The following ZNF578 variants were observed in gnomAD, a reference collection of about 807,000 sequenced individuals.
The protein encoded by ZNF578 is zinc finger protein 578.
Under a neutral mutation model 8.3 loss-of-function variants are expected in ZNF578, and 8 were observed. The observed-to-expected ratio is 0.96, with a 90% CI of 0.56 to 1.74. ZNF578 has a LOEUF of 1.74. Among genes scored for constraint, ZNF578 ranks in the 40% most tolerant of loss-of-function variants. ZNF578 has a pLI of 0.00. For synonymous variants in ZNF578, 206 were observed against 232.2 expected (o/e 0.89, Z 1.03); for missense variants, 726 against 707.5 (o/e 1.03, Z -0.30).
rs1300816713 is a variant in ZNF578 at position 52,510,819 on chromosome 19, TGC to T, written c.439_440del (p.Ala147TrpfsTer6). The T allele has an allele frequency of 6.2e-7, 1 of 1,614,204 alleles. No individual in the cohort carries two copies. Among genetic ancestry groups the T allele is most frequent in the South Asian group, 1.1e-5 (1 of 91,086 alleles). ...GCACAGACCGACATGATCAAAGGCA[TGC>T]TGGAAACAAGCCTATTAAAGATCAG... ...GSTDRHDQRH[A>X]GNKPIKDQLG... On this transcript the variant is annotated frameshift_variant, in exon 6 of 6. Transcript: ENST00000421239. LOFTEE classifies it low-confidence loss of function (END_TRUNC).
At chr19:52,477,381 T>A (rs2059311394) in intron 2 of ZNF578, among the ~76,000 whole-genome samples, 1 of 152,100 alleles carries the variant, frequency 6.6e-6, no homozygotes, top group African/African-American at 2.4e-5. Flanking sequence ...CAGGCCCCCT[T>A]CTCATTTCCT....
intron 2 of ZNF578, among the ~76,000 whole-genome samples, chr19:52,467,878 A>G (rs1241727931): frequency 6.6e-6 from 1 of 152,230 alleles, no homozygotes; most frequent in Admixed American, 6.5e-5. Flanking sequence ...AAAAAAAATA[A>G]AAAGGTTGGA....
Position 52,515,846 on chromosome 19 carries a change from A to G in ZNF578, c.*3692A>G, listed in dbSNP as rs1401439280. On this transcript the variant is annotated 3_prime_UTR_variant, in exon 6 of 6. Transcript: ENST00000421239. ...AAGAAATAGAGGTAGACTCAGACAC[A>G]GAGACCATCTTCAAGGCCTTTCTCT... is the stretch of plus-strand genomic sequence containing the variant. 6.6e-6 allele frequency among the ~76,000 whole-genome samples: 1 copy of G among 152,154 alleles called. No homozygotes were observed. The highest frequency in any genetic ancestry group is 2.4e-5 in the African/African-American group (1 of 41,442).
At chr19:52,485,100 A>T (rs2059340371) in intron 2 of ZNF578, among the ~76,000 whole-genome samples, 1 of 151,908 alleles carries the variant, frequency 6.6e-6, no homozygotes, top group African/African-American at 2.4e-5. Flanking sequence ...TCCTAGCTTG[A>T]CTTTTCCCTT....
At position 52,511,095 on chromosome 19, in the gene ZNF578, A is replaced by T; in HGVS notation, c.714A>T (p.Glu238Asp). The change falls in exon 6 of 6, where the codon GAA becomes GAT. Residue 238 changes from glutamate to aspartate, a missense_variant. Coordinates refer to ENST00000421239, the MANE Select transcript of ZNF578 (RefSeq NM_001099694.2). ...CTTTCCAATGTAATGAGACTGGCGA[A>T]GCCTTTAATTGTAGCTCATTTGTAA... ...EKSFQCNETG[E>D]AFNCSSFVRK... 6.2e-7 allele frequency: 1 copy of T among 1,614,146 alleles called. No individual in the cohort carries two copies. Among genetic ancestry groups the T allele is most frequent in the Admixed American group, 1.7e-5 (1 of 60,020 alleles).
intron 2 of ZNF578, among the ~76,000 whole-genome samples, chr19:52,465,779 C>T (rs889202975): frequency 2.0e-5 from 3 of 152,324 alleles, no homozygotes; most frequent in East Asian, 1.9e-4. Context: ...CCATTTGTGT[C>T]CCTGGCTTTC....
chr19:52,489,903 G>A (rs773329967), intron 2 of ZNF578, among the ~76,000 whole-genome samples: 32 of 151,984 alleles, frequency 2.1e-4, no homozygotes, highest in Admixed American at 1.3e-3. Context: ...TGATCTGCCC[G>A]CCTCGGCCTC....
chr19:52,476,012 A>T (rs2059307269), intron 2 of ZNF578, among the ~76,000 whole-genome samples: 1 of 152,162 alleles, frequency 6.6e-6, no homozygotes, highest in Admixed American at 6.5e-5. Context: ...CTTGAGGTAA[A>T]ACTTTCCATT....
chr19:52,465,507 T>C (rs111245624), intron 2 of ZNF578, among the ~76,000 whole-genome samples: 2,176 of 152,258 alleles, frequency 0.014, 47 homozygotes, highest in African/African-American at 0.05. Flanking sequence ...CTGAAAAGGC[T>C]CCAGTGCTGC....
intron 4 of ZNF578, among the ~76,000 whole-genome samples, chr19:52,504,071 C>T (rs2059416825): frequency 1.3e-5 from 2 of 151,682 alleles, no homozygotes; most frequent in Non-Finnish European, 2.9e-5. Context: ...GTTGGGATTA[C>T]AGGTGAGAGC....
Position 52,515,567 on chromosome 19 carries a change from T to C in ZNF578, c.*3413T>C, listed in dbSNP as rs927469084. ...TGTAAGACTTTAGACACCTTCTCACTCATCTCAGACCTTCTCAGGGTAACT... is the reference window on the plus strand; with the variant it reads ...TGTAAGACTTTAGACACCTTCTCACCCATCTCAGACCTTCTCAGGGTAACT... On this transcript the variant is annotated 3_prime_UTR_variant, in exon 6 of 6. Transcript: ENST00000421239. Among the ~76,000 whole-genome samples, 4 of 152,112 alleles carry C rather than the reference T, an allele frequency of 2.6e-5. No homozygotes were observed. Among genetic ancestry groups the C allele is most frequent in the Non-Finnish European group, 5.9e-5 (4 of 68,010 alleles).
chr19:52,512,258 C>A lies in ZNF578; in HGVS notation c.*104C>A. ...TAGGAGAATTCATACTGGAGAGAAACCTTACAAGTGTAATGAGTGTGGCAA... is the reference window on the plus strand; with the variant it reads ...TAGGAGAATTCATACTGGAGAGAAAACTTACAAGTGTAATGAGTGTGGCAA... On this transcript the variant is annotated 3_prime_UTR_variant, in exon 6 of 6. Coordinates refer to ENST00000421239, the MANE Select transcript of ZNF578 (RefSeq NM_001099694.2). The A allele has an allele frequency of 1.9e-6, 3 of 1,599,474 alleles. No individual in the cohort carries two copies. Among genetic ancestry groups the A allele is most frequent in the Non-Finnish European group, 2.6e-6 (3 of 1,167,042 alleles).
chr19:52,463,596 T>C (rs2059265398), intron 2 of ZNF578, among the ~76,000 whole-genome samples: 1 of 152,176 alleles, frequency 6.6e-6, no homozygotes, highest in Non-Finnish European at 1.5e-5. Context: ...CATGCACAAC[T>C]GCTTGTACAG....
At chr19:52,505,225 A>C (rs2059421525) in intron 5 of ZNF578, among the ~76,000 whole-genome samples, 1 of 151,752 alleles carries the variant, frequency 6.6e-6, no homozygotes, top group South Asian at 2.1e-4. Flanking sequence ...AGCGTCTCTC[A>C]CTGGCACTGT....
chr19:52,492,512 A>G (rs1391651774), intron 3 of ZNF578, among the ~76,000 whole-genome samples: 1 of 152,238 alleles, frequency 6.6e-6, no homozygotes. Flanking sequence ...GTGGGCCATC[A>G]GCATGAAATC....
chr19:52,470,635 T>C (rs1010212162), intron 2 of ZNF578, among the ~76,000 whole-genome samples: 1 of 152,170 alleles, frequency 6.6e-6, no homozygotes, highest in Non-Finnish European at 1.5e-5. Flanking sequence ...GCCAGACGGC[T>C]AGAACAAAAC....
intron 2 of ZNF578, among the ~76,000 whole-genome samples, chr19:52,481,759 C>G (rs948906909): frequency 1.3e-5 from 2 of 152,144 alleles, no homozygotes; most frequent in African/African-American, 2.4e-5. Context: ...TTAAGACAGG[C>G]CTGCTCTATC....
intron 2 of ZNF578, among the ~76,000 whole-genome samples, chr19:52,481,339 A>C (rs932591733): frequency 1.1e-4 from 16 of 152,204 alleles, no homozygotes; most frequent in African/African-American, 3.9e-4. Context: ...ACAAAGGAGA[A>C]GGAACGCGGG....
In ZNF578 at chr19:52,470,346, G is replaced by A. The variant is rs182005924; in HGVS notation, c.-122+13388G>A. The stretch of plus-strand genomic sequence containing the variant: ...GATGTGACCCGTGAGGAGGTGCGCT[G>A]CACTCCAAAAGAACTGCTGAGGCAT... On this transcript the variant is annotated intron_variant, in intron 2 of 5. Coordinates refer to ENST00000421239, the MANE Select transcript of ZNF578 (RefSeq NM_001099694.2). Among the ~76,000 whole-genome samples, 19 of 152,282 alleles carry A rather than the reference G, an allele frequency of 1.2e-4. No homozygotes were observed. The East Asian group carries it at 3.5e-3, about 28-fold the overall frequency.
Sources: allele counts gnomAD v4.1 joint callset (sites outside exome capture counted in the v4.1 genomes callset), GRCh38; gene constraint gnomAD v4.1.1; transcripts MANE v1.5; gene names NCBI Gene and HGNC (gene_info 2026-07-23, HGNC 2026-07-21).